ARID4B: variants seen among roughly 807,000 people sequenced by gnomAD.
The protein encoded by ARID4B is AT-rich interaction domain 4B, also known as AT-rich interactive domain-containing protein 4B.
In ARID4B, 26 loss-of-function variants were observed where a neutral mutation model predicts 147.5. The ratio of observed to expected loss-of-function variants is 0.18; its 90% CI spans 0.13 to 0.24. The LOEUF (loss-of-function observed/expected upper bound fraction) is 0.24. Among genes scored for constraint, ARID4B ranks in the 10% least tolerant of loss-of-function variants. The probability of loss-of-function intolerance (pLI) is 1.00; values close to 1 mark genes in which losing one functional copy is unlikely to be tolerated. For synonymous variants in ARID4B, 512 were observed against 507.9 expected, an observed-to-expected ratio of 1.01 and a Z score of -0.11; for missense variants, 1,179 against 1,511.5, an observed-to-expected ratio of 0.78 and a Z score of 3.65.
rs1675445913 is a variant in ARID4B, at chr1:235,327,837, AGCAG to A, written c.-122_-119del. 1 of 152,378 alleles carries A rather than the reference AGCAG, an allele frequency of 6.6e-6. No individual in the cohort carries two copies. The highest frequency in any genetic ancestry group is 2.4e-5 in the African/African-American group (1 of 41,408). 9.4% of individuals were successfully genotyped at this position (152,378 alleles called of 1,614,324 possible). A position where few individuals can be genotyped will look rare whatever the true frequency, so the allele number is the denominator to read the frequency against. ...CTCTCTCCTTCTCCCCCCCAAAACC[AGCAG>A]GCCCGGGGGAGAGATGGGGAAGAAG... On this transcript the variant is annotated 5_prime_UTR_variant, in exon 1 of 24. Transcript: ENST00000264183.
intron 11 of ARID4B, among the ~76,000 whole-genome samples, chr1:235,225,032 G>A (rs556091150): frequency 6.6e-6 from 1 of 151,128 alleles, no homozygotes; most frequent in South Asian, 2.1e-4. Flanking sequence ...ATGAGAAAAG[G>A]GACTAGCAAG....
In ARID4B at chr1:235,252,722, T is replaced by C; in HGVS notation, c.354+8A>G. On this transcript the variant is annotated splice_region_variant and intron_variant, in intron 6 of 23. Transcript: ENST00000264183. ...TAAGACATGTTCATTTGTTAAATGATGACTTACTTCACTTTCAGCAAAATG... is the reference window on the plus strand; with the variant it reads ...TAAGACATGTTCATTTGTTAAATGACGACTTACTTCACTTTCAGCAAAATG... The C allele has an allele frequency of 6.2e-7, 1 of 1,609,338 alleles. No homozygotes were observed. The highest frequency in any genetic ancestry group is 1.1e-5 in the South Asian group (1 of 90,266).
chr1:235,179,603 C>A (rs1664148959), intron 20 of ARID4B, among the ~76,000 whole-genome samples: 1 of 150,162 alleles, frequency 6.7e-6, no homozygotes, highest in Non-Finnish European at 1.5e-5. Context: ...ATAAATTACC[C>A]TAAATTTAGG....
In ARID4B at chr1:235,219,858, GTCA is replaced by G; in HGVS notation, c.1515_1517del (p.Asp506del). The G allele has an allele frequency of 6.2e-7, 1 of 1,608,996 alleles. No homozygotes were observed. The highest frequency in any genetic ancestry group is 1.1e-5 in the South Asian group (1 of 89,834). Reference sequence around the variant, plus strand: ...TGAGGGATTCATCTACCCTAGTTGTGTCATCATCTTTGTCATCCAGATTTTCAT... The same window carrying G: ...TGAGGGATTCATCTACCCTAGTTGTGTCATCTTTGTCATCCAGATTTTCAT... On this transcript the variant is annotated inframe_deletion, in exon 16 of 24. Coordinates refer to ENST00000264183, the MANE Select transcript of ARID4B (RefSeq NM_016374.6).
At chr1:235,188,962 G>A (rs1444117283) in intron 19 of ARID4B, among the ~76,000 whole-genome samples, 1 of 151,888 alleles carries the variant, frequency 6.6e-6, no homozygotes, top group Non-Finnish European at 1.5e-5. Context: ...CAAATTAGAG[G>A]TAACTGAAAA....
chr1:235,212,584 C>T (rs1666782912), intron 17 of ARID4B, among the ~76,000 whole-genome samples: 2 of 152,062 alleles, frequency 1.3e-5, no homozygotes, highest in African/African-American at 4.8e-5. Context: ...TATTACACAA[C>T]AGGACAACAA....
intron 2 of ARID4B, among the ~76,000 whole-genome samples, chr1:235,269,048 T>C (rs1483169652): frequency 2.0e-5 from 3 of 152,212 alleles, no homozygotes; most frequent in Admixed American, 6.5e-5. Context: ...TATATGTATG[T>C]CAAACTGATC....
chr1:235,263,772 G>T lies in ARID4B; in HGVS notation c.7-3020C>A, dbSNP rs1670429170. 2.6e-5 allele frequency among the ~76,000 whole-genome samples: 4 copies of T among 151,744 alleles called. No individual in the cohort carries two copies. In the South Asian group the frequency reaches 8.3e-4, roughly 32 times the overall value. On this transcript the variant is annotated intron_variant, in intron 2 of 23. Coordinates refer to ENST00000264183, the MANE Select transcript of ARID4B (RefSeq NM_016374.6). Reference sequence around the variant, plus strand: ...GGAGGCTGAGGCGGGCGGATCACGAGGTCAGGAGATCAAAACCATCCTGGC... The same window carrying T: ...GGAGGCTGAGGCGGGCGGATCACGATGTCAGGAGATCAAAACCATCCTGGC...
At chr1:235,247,205 G>T (rs1669352501) in intron 6 of ARID4B, among the ~76,000 whole-genome samples, 2 of 151,980 alleles carry the variant, frequency 1.3e-5, no homozygotes, top group Admixed American at 1.3e-4. Flanking sequence ...AGAGCAACTA[G>T]AGATTTCCAA....
intron 17 of ARID4B, among the ~76,000 whole-genome samples, chr1:235,200,931 C>G (rs1665872217): frequency 6.6e-6 from 1 of 152,114 alleles, no homozygotes; most frequent in African/African-American, 2.4e-5. Context: ...ATCACAAGAT[C>G]AGGTGTTCAA....
At chr1:235,177,109 T>C (rs1334077991) in intron 21 of ARID4B, among the ~76,000 whole-genome samples, 1 of 152,218 alleles carries the variant, frequency 6.6e-6, no homozygotes, top group African/African-American at 2.4e-5. Context: ...AAGACAAATG[T>C]TGTAGACTGG....
intron 2 of ARID4B, among the ~76,000 whole-genome samples, chr1:235,308,093 T>C: frequency 7.5e-6 from 1 of 134,180 alleles, no homozygotes; most frequent in Admixed American, 8.0e-5. Flanking sequence ...ATTTTTTTTT[T>C]TTTTTTTTTT....
rs573440753 is a variant in ARID4B at position 235,297,372 on chromosome 1, G to A, written c.6+29542C>T. ...TCATTATTATAAAAACTGGCAAAAC[G>A]AGGTGGGAGAGGAATTAAATTTTTA... On this transcript the variant is annotated intron_variant, in intron 2 of 23. Transcript: ENST00000264183. Among the ~76,000 whole-genome samples the A allele has an allele frequency of 2.6e-5, 4 of 152,224 alleles. No homozygotes were observed. The South Asian group carries it at 6.2e-4, about 24-fold the overall frequency.
At chr1:235,217,073 C>T (rs1047702055) in intron 16 of ARID4B, among the ~76,000 whole-genome samples, 4 of 152,046 alleles carry the variant, frequency 2.6e-5, no homozygotes, top group Non-Finnish European at 5.9e-5. Flanking sequence ...GTAGCCCAGG[C>T]AAATTTTCAT....
rs1663175705 is a variant in ARID4B, at chr1:235,169,460, C to T, written c.3812-808G>A. Among the ~76,000 whole-genome samples the T allele has an allele frequency of 2.0e-5, 3 of 152,050 alleles. No homozygotes were observed. In the Middle Eastern group the frequency reaches 0.01, roughly 517 times the overall value. ...GTTTCACCATGTTAGCCAGGATGGTCTCGATCTCCTGACCTCATGATCCGC... is the reference window on the plus strand; with the variant it reads ...GTTTCACCATGTTAGCCAGGATGGTTTCGATCTCCTGACCTCATGATCCGC... On this transcript the variant is annotated intron_variant, in intron 23 of 23. Transcript: ENST00000264183.
intron 2 of ARID4B, among the ~76,000 whole-genome samples, chr1:235,317,663 G>A (rs977794669): frequency 4.0e-5 from 6 of 151,854 alleles, no homozygotes; most frequent in Non-Finnish European, 2.9e-5. Flanking sequence ...ATTTTAGAAC[G>A]AAAATTATGA....
Position 235,219,878 on chromosome 1 carries a change from G to A in ARID4B, c.1498C>T (p.Leu500=). ...GTTGTGTCATCATCTTTGTCATCCA[G>A]ATTTTCATTGTCTTCTGGTTTTTTA... The part of the protein sequence containing the change: ...NIKKPEDNEN[L]DDKDDDTTRV... Residue 500 remains leucine (L), a synonymous_variant, in exon 16 of 24, where the codon CTG becomes TTG. Coordinates refer to ENST00000264183, the MANE Select transcript of ARID4B (RefSeq NM_016374.6). 1 of 1,603,786 alleles carries A rather than the reference G, an allele frequency of 6.2e-7. No individual in the cohort carries two copies. Among genetic ancestry groups the A allele is most frequent in the Non-Finnish European group, 8.5e-7 (1 of 1,173,078 alleles).
At chr1:235,241,106 G>A (rs1029621751) in intron 7 of ARID4B, among the ~76,000 whole-genome samples, 1 of 152,126 alleles carries the variant, frequency 6.6e-6, no homozygotes, top group African/African-American at 2.4e-5. Context: ...GGAAGTATCT[G>A]AAACCATCAA....
intron 2 of ARID4B, among the ~76,000 whole-genome samples, chr1:235,306,907 G>A (rs1241263166): frequency 3.9e-5 from 6 of 151,972 alleles, no homozygotes; most frequent in South Asian, 2.1e-4. Context: ...AATTTTCCCC[G>A]CCTCAGCCTC....
Sources: allele counts gnomAD v4.1 joint callset (sites outside exome capture counted in the v4.1 genomes callset), GRCh38; gene constraint gnomAD v4.1.1; transcripts MANE v1.5; gene names NCBI Gene and HGNC (gene_info 2026-07-23, HGNC 2026-07-21).